FAM89A: variants seen among roughly 807,000 people sequenced by gnomAD.
FAM89A encodes the protein family with sequence similarity 89 member A, also known as protein FAM89A.
Under a neutral mutation model 7.1 loss-of-function variants are expected in FAM89A, and 10 were observed. That is an observed-to-expected ratio of 1.40 (90% CI 0.86 to 2.38). FAM89A has a LOEUF of 2.38. Ranked by LOEUF, FAM89A falls within the 30% of genes most tolerant of loss-of-function variation. The pLI, the probability that FAM89A is intolerant of heterozygous loss-of-function variation, is 0.00. For synonymous variants in FAM89A, 157 were observed against 129.3 expected (o/e 1.21, Z -1.45); for missense variants, 276 against 262.8 (o/e 1.05, Z -0.35).
chr1:231,031,845 T>TA (rs1235026051), intron 1 of FAM89A, among the ~76,000 whole-genome samples: 1 of 151,738 alleles, frequency 6.6e-6, no homozygotes, highest in Middle Eastern at 3.2e-3. Flanking sequence ...ATCACTATTA[T>TA]AAAAAATCCT....
intron 1 of FAM89A, chr1:231,021,694 G>A (rs1558253757): frequency 1.3e-6 from 2 of 1,587,334 alleles, no homozygotes; most frequent in Non-Finnish European, 1.7e-6. Context: ...CCACCCCTGA[G>A]ATTTCCTTGG....
chr1:231,020,459 G>A (rs951196557), intron 1 of FAM89A, among the ~76,000 whole-genome samples: 6 of 152,146 alleles, frequency 3.9e-5, no homozygotes, highest in African/African-American at 7.2e-5. Flanking sequence ...CACTTTGGAC[G>A]CCAAGAAACG....
chr1:231,035,167 C>G (rs1449017556), intron 1 of FAM89A, among the ~76,000 whole-genome samples: 2 of 152,164 alleles, frequency 1.3e-5, no homozygotes, highest in African/African-American at 4.8e-5. Flanking sequence ...AGCTAATGAG[C>G]TGGAATCCAG....
chr1:231,033,409 C>T (rs1272090825), intron 1 of FAM89A, among the ~76,000 whole-genome samples: 5 of 152,150 alleles, frequency 3.3e-5, no homozygotes, highest in South Asian at 2.1e-4. Context: ...AGCGAAACTG[C>T]GAAACTTCCA....
intron 1 of FAM89A, among the ~76,000 whole-genome samples, chr1:231,027,564 G>A (rs1050937855): frequency 3.9e-5 from 6 of 152,274 alleles, no homozygotes; most frequent in South Asian, 2.1e-4. Context: ...AAATCAGCTC[G>A]GAGGACATAA....
chr1:231,033,983 T>C (rs1680116742), intron 1 of FAM89A, among the ~76,000 whole-genome samples: 1 of 152,130 alleles, frequency 6.6e-6, no homozygotes, highest in African/African-American at 2.4e-5. Flanking sequence ...CAGTTTTTGC[T>C]TTTATAGGGT....
At chr1:231,031,056 G>A (rs1027146835) in intron 1 of FAM89A, among the ~76,000 whole-genome samples, 20 of 152,158 alleles carry the variant, frequency 1.3e-4, no homozygotes, top group Non-Finnish European at 2.5e-4. Context: ...ACCACAGTGA[G>A]CCAAGATCTT....
intron 1 of FAM89A, among the ~76,000 whole-genome samples, chr1:231,020,886 AT>A (rs2103069493): frequency 6.6e-6 from 1 of 152,266 alleles, no homozygotes; most frequent in East Asian, 1.9e-4. Flanking sequence ...CCCACCACCC[AT>A]CCCAGAGAAA....
At chr1:231,022,352 C>T (rs915342149) in intron 1 of FAM89A, among the ~76,000 whole-genome samples, 2 of 152,146 alleles carry the variant, frequency 1.3e-5, no homozygotes, top group African/African-American at 2.4e-5. Flanking sequence ...GATGCTATGG[C>T]GCTGGACCCA....
chr1:231,027,872 C>A (rs1341780275), intron 1 of FAM89A, among the ~76,000 whole-genome samples: 1 of 152,238 alleles, frequency 6.6e-6, no homozygotes, highest in Non-Finnish European at 1.5e-5. Context: ...CAGTGTTCAT[C>A]CTTTGCCCTC....
At chr1:231,038,955 G>A (rs1680203520) in intron 1 of FAM89A, among the ~76,000 whole-genome samples, 1 of 152,226 alleles carries the variant, frequency 6.6e-6, no homozygotes, top group Non-Finnish European at 1.5e-5. Context: ...GAGACAACCT[G>A]GACGAGGTGA....
chr1:231,021,940 C>CCACA (rs1239089530), intron 1 of FAM89A: 1 of 1,443,924 alleles, frequency 6.9e-7, no homozygotes, highest in African/African-American at 1.4e-5. Flanking sequence ...ATGTGACTAC[C>CCACA]CACACTTCCA....
At chr1:231,039,896 C>T (rs1331740798) in intron 1 of FAM89A, 25 bp downstream of exon 1, 2 of 1,291,304 alleles carry the variant, frequency 1.5e-6, no homozygotes, top group Admixed American at 4.2e-5. Flanking sequence ...CCGGGAAGAG[C>T]CCCAGCTCGC....
chr1:231,021,183 C>A (rs1384384606), intron 1 of FAM89A, among the ~76,000 whole-genome samples: 1 of 152,230 alleles, frequency 6.6e-6, no homozygotes, highest in African/African-American at 2.4e-5. Context: ...CAAGAAGACA[C>A]CAGGGGACCT....
intron 1 of FAM89A, chr1:231,021,520 C>A: frequency 1.4e-6 from 1 of 715,274 alleles, no homozygotes; most frequent in Non-Finnish European, 2.4e-6. Flanking sequence ...AACCAGAGGG[C>A]ACGAAAGGTT....
chr1:231,031,249 A>G (rs1277819880), intron 1 of FAM89A, among the ~76,000 whole-genome samples: 1 of 152,194 alleles, frequency 6.6e-6, no homozygotes, highest in Non-Finnish European at 1.5e-5. Context: ...GTAAATGAAG[A>G]AAATCTGGCC....
chr1:231,024,748 C>T (rs903739795), intron 1 of FAM89A, among the ~76,000 whole-genome samples: 4 of 151,910 alleles, frequency 2.6e-5, no homozygotes, highest in African/African-American at 9.7e-5. Flanking sequence ...TGCCATCTTG[C>T]CCAGGCTGGT....
intron 1 of FAM89A, among the ~76,000 whole-genome samples, chr1:231,038,882 T>C (rs927831904): frequency 5.9e-5 from 9 of 152,258 alleles, no homozygotes; most frequent in African/African-American, 2.2e-4. Flanking sequence ...TTGGCAAATT[T>C]AGTTTTGGGA....
At chr1:231,027,674 T>C (rs1572355729) in intron 1 of FAM89A, among the ~76,000 whole-genome samples, 1 of 152,014 alleles carries the variant, frequency 6.6e-6, no homozygotes, top group African/African-American at 2.4e-5. Flanking sequence ...TAGAGGGAGG[T>C]GGAAGATCCG....
Sources: allele counts gnomAD v4.1 joint callset (sites outside exome capture counted in the v4.1 genomes callset), GRCh38; gene constraint gnomAD v4.1.1; transcripts MANE v1.5; gene names NCBI Gene and HGNC (gene_info 2026-07-23, HGNC 2026-07-21).